The following HTT variants were observed in gnomAD, a reference collection of about 807,000 sequenced individuals.
HTT encodes the protein huntington disease protein.
In HTT, 104 loss-of-function variants were observed where a neutral mutation model predicts 362.3. The observed-to-expected ratio is 0.29, with a 90% CI of 0.24 to 0.34. The LOEUF (loss-of-function observed/expected upper bound fraction) is 0.34. Ranked by LOEUF, HTT falls within the 10% of genes least tolerant of loss-of-function variation. The probability of loss-of-function intolerance (pLI) is 1.00; values close to 1 mark genes in which losing one functional copy is unlikely to be tolerated. For missense variants in HTT, 3,301 were observed against 3,928.6 expected, an observed-to-expected ratio of 0.84 and a Z score of 4.27; for synonymous variants, 1,577 against 1,548.7, an observed-to-expected ratio of 1.02 and a Z score of -0.43.
chr4:3,127,529 G>A lies in HTT; in HGVS notation c.1668G>A (p.Ser556=), dbSNP rs1715578887. The change falls in exon 12 of 67, where the codon TCG becomes TCA. Residue 556 remains serine, a synonymous_variant. Coordinates refer to ENST00000355072, the MANE Select transcript of HTT (RefSeq NM_001388492.1). The stretch of plus-strand genomic sequence containing the variant: ...TGAATGATGGGACCCAGGCCTCGTC[G>A]CCCATCAGCGACAGCTCCCAGACCA... ...MDLNDGTQAS[S]PISDSSQTTT... The A allele has an allele frequency of 7.4e-6, 12 of 1,614,152 alleles. No individual in the cohort carries two copies. In the East Asian group the frequency reaches 1.1e-4, roughly 15 times the overall value.
At chr4:3,204,243 G>C (rs1383585950) in intron 42 of HTT, 95 bp downstream of exon 42, 15 of 1,250,568 alleles carry the variant, frequency 1.2e-5, no homozygotes, top group Non-Finnish European at 1.7e-5. Context: ...CTGGAACCCA[G>C]ACCGCCCGGT....
chr4:3,235,461 G>T (rs1316937730), intron 62 of HTT, 63 bp downstream of exon 62: 4 of 1,504,056 alleles, frequency 2.7e-6, no homozygotes, highest in Non-Finnish European at 3.7e-6. Context: ...TCTTTTCCTT[G>T]CAGGATCATA....
In HTT at chr4:3,074,787, G is replaced by C. The variant is rs1712375947; in HGVS notation, c.-39G>C. 4 of 1,505,550 alleles carry C rather than the reference G, an allele frequency of 2.7e-6. No homozygotes were observed. Among genetic ancestry groups the C allele is most frequent in the Non-Finnish European group, 3.5e-6 (4 of 1,133,194 alleles). 93.3% of individuals were successfully genotyped at this position (1,505,550 alleles called of 1,614,324 possible). A position where few individuals can be genotyped will look rare whatever the true frequency, so the allele number is the denominator to read the frequency against. On this transcript the variant is annotated 5_prime_UTR_variant, in exon 1 of 67. Transcript: ENST00000355072. ...GCTGAGCGGCGCCGCGAGTCGGCCC[G>C]AGGCCTCCGGGGACTGCCGTGCCGG... is the stretch of plus-strand genomic sequence containing the variant.
intron 2 of HTT, among the ~76,000 whole-genome samples, chr4:3,094,619 G>A (rs1333904588): frequency 6.9e-6 from 1 of 145,440 alleles, no homozygotes; most frequent in Non-Finnish European, 1.5e-5. Flanking sequence ...CGGCTGGCCG[G>A]GCGGGGGCTG....
Position 3,115,267 on chromosome 4 carries a change from C to T in HTT, c.748-37C>T, listed in dbSNP as rs1714959322. 3 of 1,600,254 alleles carry T rather than the reference C, an allele frequency of 1.9e-6. No homozygotes were observed. The Admixed American group carries it at 5.2e-5, about 28-fold the overall frequency. On this transcript the variant is annotated intron_variant, in intron 6 of 66. Transcript: ENST00000355072. ...TAATACATGATAAGCTTCATAGGAG[C>T]TTCATCTTTTATCTACTTGGACTTT...
At position 3,240,012 on chromosome 4, in the gene HTT, C is replaced by T. The variant is rs769006451; in HGVS notation, c.9382C>T (p.Arg3128Trp). 23 of 1,601,056 alleles carry T rather than the reference C, an allele frequency of 1.4e-5. No individual in the cohort carries two copies. The highest frequency in any genetic ancestry group is 1.9e-5 in the Non-Finnish European group (22 of 1,173,568). The stretch of plus-strand genomic sequence containing the variant: ...TGCAGCCCCAGGAAGCCCATATCAC[C>T]GGCTGCTGACTTGTTTACGAAATGT... ...VVAAPGSPYH[R>W]LLTCLRNVHK... Residue 3128 changes from arginine to tryptophan, a missense_variant, in exon 67 of 67, where the codon CGG (arginine) becomes TGG (tryptophan). By Grantham distance (101) the Arg-to-Trp change is moderately radical (BLOSUM62 -3). Around this residue, in one of 4 missense-constraint regions of HTT, gnomAD observed 753 missense variants for 1,021.3 expected, o/e 0.74. Transcript: ENST00000355072.
Position 3,127,377 on chromosome 4 carries a change from C to T in HTT, c.1516C>T (p.Gln506Ter). The T allele has an allele frequency of 6.2e-7, 1 of 1,614,142 alleles. No homozygotes were observed. The highest frequency in any genetic ancestry group is 8.5e-7 in the Non-Finnish European group (1 of 1,179,978). ...ACAGCCACGGTCACAGCACACACTG[C>T]AGGCGGACTCAGTGGATCTGGCCAG... ...TEQPRSQHTL[Q>*]ADSVDLASCD... Residue 506 changes from glutamine to a stop codon, truncating the protein, a stop_gained, in exon 12 of 67, where the codon CAG (glutamine) becomes TAG (stop). Coordinates refer to ENST00000355072, the MANE Select transcript of HTT (RefSeq NM_001388492.1). LOFTEE classifies it high-confidence loss of function.
In HTT at chr4:3,173,146, A is replaced by G; in HGVS notation, c.4166+15A>G. ...GACACCTCGGGGTAACAGTTGTGGC[A>G]AGAATGCTGTCGTTGGTGGAAGCAC... On this transcript the variant is annotated intron_variant, in intron 31 of 66. Coordinates refer to ENST00000355072, the MANE Select transcript of HTT (RefSeq NM_001388492.1). 6.2e-7 allele frequency: 1 copy of G among 1,603,828 alleles called. No homozygotes were observed. The highest frequency in any genetic ancestry group is 8.5e-7 in the Non-Finnish European group (1 of 1,171,394).
intron 26 of HTT, among the ~76,000 whole-genome samples, chr4:3,149,978 T>C (rs888430539): frequency 6.6e-6 from 1 of 152,206 alleles, no homozygotes; most frequent in Admixed American, 6.5e-5. Context: ...CTTTGTATCC[T>C]GCAGGCTGCT....
intron 36 of HTT, among the ~76,000 whole-genome samples, chr4:3,181,876 C>T (rs1269541102): frequency 6.6e-6 from 1 of 152,150 alleles, no homozygotes; most frequent in Non-Finnish European, 1.5e-5. Flanking sequence ...CACTAATAAA[C>T]TTGTGCTCAA....
chr4:3,179,482 G>A (rs1211038771), intron 35 of HTT, among the ~76,000 whole-genome samples: 3 of 152,130 alleles, frequency 2.0e-5, no homozygotes, highest in Admixed American at 6.6e-5. Context: ...GTGTGTGCAT[G>A]TCTCAGGGCC....
intron 26 of HTT, among the ~76,000 whole-genome samples, chr4:3,151,360 G>C (rs1281364097): frequency 6.6e-6 from 1 of 151,938 alleles, no homozygotes; most frequent in Non-Finnish European, 1.5e-5. Context: ...AGGAGAGAGA[G>C]AGAGAGACAG....
In HTT at chr4:3,074,899, AGC is replaced by A. The variant is rs1712392219; in HGVS notation, c.75_76del (p.Gln26AlafsTer56). 1.0e-5 allele frequency: 15 copies of A among 1,487,686 alleles called. No individual in the cohort carries two copies. The East Asian group carries it at 3.0e-4, about 30-fold the overall frequency. The allele number at this position is 1,487,686 out of a possible 1,614,324, so 92.2% of individuals were successfully genotyped here. A position where few individuals can be genotyped will look rare whatever the true frequency, so the allele number is the denominator to read the frequency against. On this transcript the variant is annotated frameshift_variant, in exon 1 of 67. Transcript: ENST00000355072. LOFTEE classifies it high-confidence loss of function. ...TTCCAGCAGCAGCAGCAGCAGCAGCAGCAGCAGCAGCAGCAGCAGCAGCAGCA... is the reference window on the plus strand; with the variant it reads ...TTCCAGCAGCAGCAGCAGCAGCAGCAAGCAGCAGCAGCAGCAGCAGCAGCA...
Position 3,199,934 on chromosome 4 carries a change from C to A in HTT, c.5571C>A (p.Thr1857=), listed in dbSNP as rs1381205853. ...GCTGGTGGGCAGAAGTGCAGCAGACCCCGAAGTAGGTTCATAATGCCCCAC... is the reference window on the plus strand; with the variant it reads ...GCTGGTGGGCAGAAGTGCAGCAGACACCGAAGTAGGTTCATAATGCCCCAC... ...DYRWWAEVQQ[T]PKRHSLSSTK... Residue 1857 remains threonine, a synonymous_variant, in exon 41 of 67, where the codon ACC becomes ACA. Coordinates refer to ENST00000355072, the MANE Select transcript of HTT (RefSeq NM_001388492.1). 18 of 1,612,580 alleles carry A rather than the reference C, an allele frequency of 1.1e-5. No individual in the cohort carries two copies. Among genetic ancestry groups the A allele is most frequent in the Non-Finnish European group, 1.5e-5 (18 of 1,179,250 alleles).
intron 1 of HTT, among the ~76,000 whole-genome samples, chr4:3,075,291 T>G (rs1484195341): frequency 1.3e-5 from 2 of 152,184 alleles, no homozygotes; most frequent in African/African-American, 4.8e-5. Context: ...CTCCCTCACT[T>G]GGGTCTTCCC....
chr4:3,232,363 G>A (rs936714087), intron 60 of HTT, among the ~76,000 whole-genome samples: 2 of 152,198 alleles, frequency 1.3e-5, no homozygotes, highest in African/African-American at 2.4e-5. Context: ...CGCTCCATGG[G>A]AATTCTGTGT....
Position 3,105,429 on chromosome 4 carries a change from A to G in HTT, c.601A>G (p.Lys201Glu). ...AELAHLVRPQKCRPYLVNLLP... is the reference protein window; with the variant it reads ...AELAHLVRPQECRPYLVNLLP... Reference sequence around the variant, plus strand: ...GCTGGCTCACCTGGTTCGGCCTCAGAAATGCAGGTAAGTTGTACACTCTGG... The same window carrying G: ...GCTGGCTCACCTGGTTCGGCCTCAGGAATGCAGGTAAGTTGTACACTCTGG... Residue 201 changes from lysine to glutamate, a missense_variant, in exon 5 of 67, where the codon AAA becomes GAA. By Grantham distance (56) the Lys-to-Glu change is moderately conservative. Transcript: ENST00000355072. 6.2e-7 allele frequency: 1 copy of G among 1,611,526 alleles called. No homozygotes were observed. Among genetic ancestry groups the G allele is most frequent in the Non-Finnish European group, 8.5e-7 (1 of 1,177,640 alleles).
intron 27 of HTT, among the ~76,000 whole-genome samples, chr4:3,156,192 T>G (rs1717136667): frequency 6.6e-6 from 1 of 152,144 alleles, no homozygotes; most frequent in African/African-American, 2.4e-5. Flanking sequence ...CGATCTCATC[T>G]CACTGCAACC....
intron 9 of HTT, among the ~76,000 whole-genome samples, chr4:3,122,110 A>G (rs1259378222): frequency 6.6e-6 from 1 of 152,190 alleles, no homozygotes; most frequent in Non-Finnish European, 1.5e-5. Context: ...GACTTGAGAA[A>G]ATCCGTCTGT....
Sources: allele counts gnomAD v4.1 joint callset (sites outside exome capture counted in the v4.1 genomes callset), GRCh38; gene constraint gnomAD v4.1.1; regional missense constraint gnomAD v4.1.1; transcripts MANE v1.5; gene names NCBI Gene and HGNC (gene_info 2026-07-23, HGNC 2026-07-21).